NRCAM: variants seen among roughly 807,000 people sequenced by gnomAD.
NRCAM encodes NgCAM-related cell adhesion molecule.
A neutral mutation model predicts 156.5 loss-of-function variants in NRCAM; 83 were observed. The ratio of observed to expected loss-of-function variants is 0.53; its 90% CI spans 0.44 to 0.64. NRCAM has a LOEUF of 0.64. Among genes scored for constraint, NRCAM ranks in the 30% least tolerant of loss-of-function variants. The pLI is 0.00. For synonymous variants in NRCAM, 538 were observed against 563.9 expected, an observed-to-expected ratio of 0.95 and a Z score of 0.65; for missense variants, 1,417 against 1,597.3, an observed-to-expected ratio of 0.89 and a Z score of 1.92.
intron 1 of NRCAM, among the ~76,000 whole-genome samples, chr7:108,410,465 A>G (rs895300292): frequency 6.6e-6 from 1 of 152,202 alleles, no homozygotes; most frequent in African/African-American, 2.4e-5. Context: ...AGTGGTTGCC[A>G]GTCCTCACTG....
intron 3 of NRCAM, among the ~76,000 whole-genome samples, chr7:108,293,634 T>C (rs2098381801): frequency 6.6e-6 from 1 of 152,222 alleles, no homozygotes; most frequent in Admixed American, 6.5e-5. Context: ...AGCAGTAAAT[T>C]TGATAACTGC....
At chr7:108,173,567 T>G (rs1381149084) in intron 28 of NRCAM, among the ~76,000 whole-genome samples, 1 of 152,204 alleles carries the variant, frequency 6.6e-6, no homozygotes, top group African/African-American at 2.4e-5. Context: ...TTGAGCAGTT[T>G]AAAGTCTTAC....
chr7:108,177,953 A>G lies in NRCAM; in HGVS notation c.2974+37T>C, dbSNP rs765345272. The G allele has an allele frequency of 2.6e-6, 4 of 1,557,822 alleles. No individual in the cohort carries two copies. In the Admixed American group the frequency reaches 7.9e-5, roughly 31 times the overall value. On this transcript the variant is annotated intron_variant, in intron 26 of 32. Transcript: ENST00000379028. ...AATTAAAATAATAAATAAAATAAAA[A>G]AACATATTTCCCCTTCTCTTCCTCC...
At chr7:108,177,455 C>T (rs1045420578) in intron 26 of NRCAM, among the ~76,000 whole-genome samples, 1 of 151,986 alleles carries the variant, frequency 6.6e-6, no homozygotes, top group Admixed American at 6.6e-5. Context: ...AACCCCGTCT[C>T]TACTAAAAAT....
intron 2 of NRCAM, among the ~76,000 whole-genome samples, chr7:108,376,165 T>C (rs1392639936): frequency 6.6e-6 from 1 of 152,176 alleles, no homozygotes; most frequent in Non-Finnish European, 1.5e-5. Flanking sequence ...CCCTGACTTT[T>C]TCCAGCCAAG....
chr7:108,356,792 T>C (rs562349069), intron 2 of NRCAM, among the ~76,000 whole-genome samples: 36 of 152,316 alleles, frequency 2.4e-4, no homozygotes, highest in African/African-American at 8.4e-4. Context: ...AGCCCTCTGC[T>C]ATAATGAAGG....
intron 4 of NRCAM, among the ~76,000 whole-genome samples, chr7:108,239,543 T>C (rs1257242461): frequency 1.3e-5 from 2 of 152,126 alleles, no homozygotes; most frequent in African/African-American, 4.8e-5. Flanking sequence ...CCTCAGCATA[T>C]GACGGGAAAG....
rs200839809 is a variant in NRCAM, at chr7:108,225,637, T to A, written c.778+8A>T. On this transcript the variant is annotated splice_region_variant and intron_variant, in intron 10 of 32. Transcript: ENST00000379028. ...GAGAGAATATCAGTTACAATCACCA[T>A]AACTCACCACCATAAAACTCAGTGT... 2 of 1,551,518 alleles carry A rather than the reference T, an allele frequency of 1.3e-6. No homozygotes were observed. Among genetic ancestry groups the A allele is most frequent in the East Asian group, 2.2e-5 (1 of 44,572 alleles).
intron 2 of NRCAM, among the ~76,000 whole-genome samples, chr7:108,375,276 T>C (rs2099669732): frequency 6.6e-6 from 1 of 152,106 alleles, no homozygotes; most frequent in Non-Finnish European, 1.5e-5. Context: ...GAATACTGAA[T>C]GAATCAATGA....
intron 2 of NRCAM, among the ~76,000 whole-genome samples, chr7:108,339,969 G>A (rs1457483228): frequency 6.6e-6 from 1 of 152,228 alleles, no homozygotes; most frequent in Non-Finnish European, 1.5e-5. Flanking sequence ...CCTGAGGGAA[G>A]TATAAATTAT....
chr7:108,313,892 G>A (rs1000297827), intron 2 of NRCAM, among the ~76,000 whole-genome samples: 3 of 152,046 alleles, frequency 2.0e-5, no homozygotes, highest in African/African-American at 7.2e-5. Context: ...CTTATATTGA[G>A]CACTTAATAC....
At position 108,209,482 on chromosome 7, in the gene NRCAM, G is replaced by T. The variant is rs1349065543; in HGVS notation, c.1014C>A (p.Tyr338Ter). 3.1e-6 allele frequency: 5 copies of T among 1,611,498 alleles called. No individual in the cohort carries two copies. The highest frequency in any genetic ancestry group is 4.2e-6 in the Non-Finnish European group (5 of 1,178,748). ...IHVSEADSGN[Y>*]QCIAKNALGA... is the part of the protein sequence containing the mutation. ...CTAATGCGTTTTTTGCTATACATTGGTAATTTCCAGAGTCTGCTTCTGAAA... is the reference window on the plus strand; with the variant it reads ...CTAATGCGTTTTTTGCTATACATTGTTAATTTCCAGAGTCTGCTTCTGAAA... The change falls in exon 12 of 33, where the codon TAC becomes TAA. Residue 338 changes from tyrosine (Y) to a stop codon, truncating the protein, a stop_gained. Transcript: ENST00000379028. LOFTEE classifies it high-confidence loss of function.
chr7:108,432,820 G>A (rs76888456), intron 1 of NRCAM, among the ~76,000 whole-genome samples: 5,430 of 152,022 alleles, frequency 0.036, 162 homozygotes, highest in East Asian at 0.11. Context: ...GAGGATGGCT[G>A]GAACCTGGGA....
chr7:108,307,249 G>A (rs1176150079), intron 3 of NRCAM, among the ~76,000 whole-genome samples: 3 of 152,160 alleles, frequency 2.0e-5, no homozygotes, highest in Non-Finnish European at 2.9e-5. Flanking sequence ...GTGCAGTGGC[G>A]GCTTAAGGAG....
intron 2 of NRCAM, among the ~76,000 whole-genome samples, chr7:108,327,106 C>T (rs1295428919): frequency 6.6e-6 from 1 of 152,186 alleles, no homozygotes; most frequent in African/African-American, 2.4e-5. Context: ...TCCAAACAGT[C>T]TGATCTTTAA....
At chr7:108,337,402 C>G (rs146216015) in intron 2 of NRCAM, among the ~76,000 whole-genome samples, 12 of 152,116 alleles carry the variant, frequency 7.9e-5, no homozygotes, top group Admixed American at 7.2e-4. Flanking sequence ...AGCTTTTGCT[C>G]GCCATCCACC....
At position 108,374,480 on chromosome 7, in the gene NRCAM, G is replaced by A. The variant is rs565028577; in HGVS notation, c.-174+24956C>T. Among the ~76,000 whole-genome samples, 19 of 152,170 alleles carry A rather than the reference G, an allele frequency of 1.2e-4. No homozygotes were observed. In the South Asian group the frequency reaches 3.7e-3, roughly 30 times the overall value. ...ACTCTACCTGAATATTATAATTAAT[G>A]TTCTGTTCCCAGAATGAACAACAGG... On this transcript the variant is annotated intron_variant, in intron 2 of 32. Coordinates refer to ENST00000379028, the MANE Select transcript of NRCAM (RefSeq NM_001037132.4).
intron 1 of NRCAM, among the ~76,000 whole-genome samples, chr7:108,438,657 A>G (rs745966522): frequency 2.0e-5 from 3 of 152,216 alleles, no homozygotes; most frequent in Non-Finnish European, 4.4e-5. Context: ...TAGTACAATA[A>G]GGAACATAAA....
At chr7:108,335,461 A>ATTTTTTTTTTTTTTTTTTTTTTTTTTTT in intron 2 of NRCAM, among the ~76,000 whole-genome samples, 1 of 25,552 alleles carries the variant, frequency 3.9e-5, no homozygotes, top group African/African-American at 1.5e-4. Context: ...TTTTTTTTTC[A>ATTTTTTTTTTTTTTTTTTTTTTTTTTTT]GTTTTCACTG....
Sources: gnomAD v4.1 joint callset for allele counts (sites outside exome capture counted in the v4.1 genomes callset) on GRCh38, gnomAD v4.1.1 for gene constraint, MANE v1.5 for transcripts, NCBI Gene and HGNC (gene_info 2026-07-23, HGNC 2026-07-21) for gene names.